The following CSMD1 variants were observed in gnomAD, a reference collection of about 807,000 sequenced individuals.
CSMD1 encodes the protein CUB and sushi domain-containing protein 1.
CSMD1 carries 213 observed loss-of-function variants against 417.5 expected under a neutral mutation model. That is an observed-to-expected ratio of 0.51 (90% CI 0.46 to 0.57). The LOEUF is 0.57. Ranked by LOEUF, CSMD1 falls within the 20% of genes least tolerant of loss-of-function variation. The pLI is 0.00. For synonymous variants in CSMD1, 2,862 were observed against 1,736.8 expected, an observed-to-expected ratio of 1.65 and a Z score of -16.11; for missense variants, 6,923 against 4,529.7, an observed-to-expected ratio of 1.53 and a Z score of -15.17.
At chr8:3,286,387 C>T (rs940833170) in intron 25 of CSMD1, among the ~76,000 whole-genome samples, 3 of 152,004 alleles carry the variant, frequency 2.0e-5, no homozygotes, top group Non-Finnish European at 4.4e-5. Context: ...TTCTAGATCC[C>T]TGAGGAATGG....
intron 68 of CSMD1, among the ~76,000 whole-genome samples, chr8:2,948,684 T>C (rs2128917786): frequency 6.6e-6 from 1 of 152,260 alleles, no homozygotes; most frequent in South Asian, 2.1e-4. Context: ...ACAATCCTGC[T>C]TTGGACACGC....
At chr8:4,044,165 G>C (rs993335394) in intron 3 of CSMD1, among the ~76,000 whole-genome samples, 2 of 152,110 alleles carry the variant, frequency 1.3e-5, no homozygotes, top group African/African-American at 2.4e-5. Context: ...ATGAGAGTTG[G>C]GGTGGACTCA....
At chr8:4,206,658 T>C (rs1799999689) in intron 3 of CSMD1, among the ~76,000 whole-genome samples, 3 of 152,234 alleles carry the variant, frequency 2.0e-5, no homozygotes, top group African/African-American at 4.8e-5. Flanking sequence ...TGTGCATGTG[T>C]CTTTACAGCA....
rs1805420614 is a variant in CSMD1, at chr8:4,672,925, C to T, written c.86-35367G>A. 2.0e-5 allele frequency among the ~76,000 whole-genome samples: 3 copies of T among 152,088 alleles called. 1 individual carries two copies. The highest frequency in any genetic ancestry group is 7.2e-5 in the African/African-American group (3 of 41,414). Reference sequence around the variant, plus strand: ...ACAAACACATTCACAAACATGGCGACATACACATGCATACATGGTGACACG... The same window carrying T: ...ACAAACACATTCACAAACATGGCGATATACACATGCATACATGGTGACACG... On this transcript the variant is annotated intron_variant, in intron 1 of 69. Coordinates refer to ENST00000635120, the MANE Select transcript of CSMD1 (RefSeq NM_033225.6).
intron 3 of CSMD1, among the ~76,000 whole-genome samples, chr8:4,176,944 C>T (rs28646194): frequency 0.98 from 146,825 of 149,772 alleles, 72,021 homozygotes; most frequent in Middle Eastern, 1. Context: ...TCCTCAGTGA[C>T]CTACAAAGAG....
intron 10 of CSMD1, among the ~76,000 whole-genome samples, chr8:3,505,313 C>T (rs1240957510): frequency 2.6e-5 from 4 of 152,058 alleles, no homozygotes; most frequent in African/African-American, 7.2e-5. Context: ...GGAGTGACCG[C>T]TGAAACTTTG....
intron 3 of CSMD1, among the ~76,000 whole-genome samples, chr8:4,349,784 T>A (rs1800980528): frequency 6.6e-6 from 1 of 152,098 alleles, no homozygotes; most frequent in East Asian, 1.9e-4. Context: ...AGATATTTAT[T>A]TGTCTCAATT....
At chr8:4,216,545 G>C (rs1240304825) in intron 3 of CSMD1, among the ~76,000 whole-genome samples, 1 of 152,132 alleles carries the variant, frequency 6.6e-6, no homozygotes, top group Non-Finnish European at 1.5e-5. Flanking sequence ...CAAGATCAAA[G>C]AACCCGGCCT....
At chr8:3,944,382 A>G (rs1811086823) in intron 5 of CSMD1, among the ~76,000 whole-genome samples, 1 of 152,136 alleles carries the variant, frequency 6.6e-6, no homozygotes, top group South Asian at 2.1e-4. Context: ...CCTCTCTACG[A>G]CTGAATATTG....
At chr8:4,116,873 G>A (rs1802182760) in intron 3 of CSMD1, among the ~76,000 whole-genome samples, 1 of 151,956 alleles carries the variant, frequency 6.6e-6, no homozygotes, top group South Asian at 2.1e-4. Flanking sequence ...CAATGTGCCA[G>A]AAAAAGAATA....
chr8:3,648,495 G>A lies in CSMD1; in HGVS notation c.1010-31698C>T, dbSNP rs1007136772. Among the ~76,000 whole-genome samples, 4 of 152,182 alleles carry A rather than the reference G, an allele frequency of 2.6e-5. No homozygotes were observed. In the South Asian group the frequency reaches 8.3e-4, roughly 31 times the overall value. On this transcript the variant is annotated intron_variant, in intron 7 of 69. Transcript: ENST00000635120. ...ATGGCTCTAACACAGTGGAGTGACT[G>A]CTGAGATTTTGGACCTGTTGAAAAG... is the stretch of plus-strand genomic sequence containing the variant.
chr8:3,992,521 A>T (rs947788938), intron 5 of CSMD1, among the ~76,000 whole-genome samples: 8 of 152,214 alleles, frequency 5.3e-5, no homozygotes, highest in Admixed American at 2.0e-4. Context: ...GTTGTGGCTC[A>T]TGCCTGTAAT....
At chr8:4,180,159 A>C (rs1403628043) in intron 3 of CSMD1, among the ~76,000 whole-genome samples, 2 of 152,168 alleles carry the variant, frequency 1.3e-5, no homozygotes, top group East Asian at 3.8e-4. Flanking sequence ...TCACGACAGC[A>C]AAGACTTGGA....
intron 2 of CSMD1, among the ~76,000 whole-genome samples, chr8:4,533,782 C>A (rs1457453213): frequency 6.6e-6 from 1 of 151,552 alleles, no homozygotes; most frequent in East Asian, 1.9e-4. Flanking sequence ...TAAAAGTACA[C>A]TGTAATTTTT....
intron 12 of CSMD1, among the ~76,000 whole-genome samples, chr8:3,442,988 G>T (rs1313598643): frequency 6.6e-6 from 1 of 151,992 alleles, no homozygotes; most frequent in East Asian, 1.9e-4. Context: ...CATTAAAATT[G>T]TCCTCTTTCT....
chr8:4,278,824 G>A (rs1475071686), intron 3 of CSMD1, among the ~76,000 whole-genome samples: 3 of 152,158 alleles, frequency 2.0e-5, no homozygotes, highest in East Asian at 1.9e-4. Flanking sequence ...GGCTCTTGGA[G>A]TATTTATAGG....
At chr8:3,758,816 T>C (rs926649396) in intron 5 of CSMD1, among the ~76,000 whole-genome samples, 1 of 152,094 alleles carries the variant, frequency 6.6e-6, no homozygotes, top group Non-Finnish European at 1.5e-5. Flanking sequence ...ACAATGCGCT[T>C]ACTGAGCTTG....
At chr8:4,699,162 G>A (rs575932374) in intron 1 of CSMD1, among the ~76,000 whole-genome samples, 3 of 152,100 alleles carry the variant, frequency 2.0e-5, no homozygotes, top group African/African-American at 4.8e-5. Flanking sequence ...TTAATTCCGT[G>A]TTTCACTCTG....
intron 3 of CSMD1, among the ~76,000 whole-genome samples, chr8:4,368,042 G>T (rs755237810): frequency 9.2e-5 from 14 of 152,130 alleles, no homozygotes; most frequent in Non-Finnish European, 1.0e-4. Context: ...AGAACTTCCA[G>T]TACTATGTTG....
Sources: allele counts gnomAD v4.1 joint callset (sites outside exome capture counted in the v4.1 genomes callset), GRCh38; gene constraint gnomAD v4.1.1; transcripts MANE v1.5; gene names NCBI Gene and HGNC (gene_info 2026-07-23, HGNC 2026-07-21).